Variants in ATP13A5 observed in about 807,000 individuals in gnomAD.
ATP13A5 encodes the protein ATPase 13A5.
A neutral mutation model predicts 150.2 loss-of-function variants in ATP13A5; 149 were observed. That is an observed-to-expected ratio of 0.99 (90% CI 0.87 to 1.14). The LOEUF is 1.14. Among genes scored for constraint, ATP13A5 ranks in the 50% most tolerant of loss-of-function variants. ATP13A5 has a pLI of 0.00. For synonymous variants in ATP13A5, 497 were observed against 522.2 expected, an observed-to-expected ratio of 0.95 and a Z score of 0.66; for missense variants, 1,383 against 1,449.3, an observed-to-expected ratio of 0.95 and a Z score of 0.74.
intron 12 of ATP13A5, 101 bp from the exon 13 acceptor site, chr3:193,327,158 A>G (rs1272452470): frequency 9.5e-7 from 1 of 1,057,704 alleles, no homozygotes; most frequent in Non-Finnish European, 1.4e-6. Flanking sequence ...TAGTAGATCC[A>G]GTAGTCTAAA....
In ATP13A5 at chr3:193,321,800, G is replaced by A. The variant is rs139155353; in HGVS notation, c.1796C>T (p.Pro599Leu). The A allele has an allele frequency of 1.4e-4, 223 of 1,614,020 alleles. No homozygotes were observed. The highest frequency in any genetic ancestry group is 1.8e-4 in the Non-Finnish European group (215 of 1,180,014). Residue 599 changes from proline (P) to leucine (L), a missense_variant, in exon 16 of 30, where the codon CCA becomes CTA. By Grantham distance (98) the Pro-to-Leu change is moderately conservative. Around this residue, in one of 3 missense-constraint regions of ATP13A5, gnomAD observed 787 missense variants for 771.9 expected, o/e 1.02. Transcript: ENST00000342358. ...CATCCTCTGCAGGCTCGAGGAAAATGGAAACTGGCACAAGGTGATGATGGC... is the reference window on the plus strand; with the variant it reads ...CATCCTCTGCAGGCTCGAGGAAAATAGAAACTGGCACAAGGTGATGATGGC... ...VEAIITLCQF[P>L]FSSSLQRMSV...
intron 11 of ATP13A5, among the ~76,000 whole-genome samples, chr3:193,331,972 T>C (rs1156410999): frequency 1.3e-5 from 2 of 152,188 alleles, no homozygotes; most frequent in African/African-American, 4.8e-5. Context: ...TACAAACCCA[T>C]GACCAATATG....
chr3:193,331,439 A>G, intron 11 of ATP13A5, 128 bp from the exon 12 acceptor site: 1 of 785,210 alleles, frequency 1.3e-6, no homozygotes, highest in Non-Finnish European at 1.9e-6. Flanking sequence ...CCCTACTCCC[A>G]GTCCACCAAC....
At chr3:193,331,868 A>T (rs1005374194) in intron 11 of ATP13A5, among the ~76,000 whole-genome samples, 4 of 152,216 alleles carry the variant, frequency 2.6e-5, no homozygotes, top group African/African-American at 9.6e-5. Context: ...TTAACAGGTA[A>T]GGAAACTGAG....
chr3:193,289,226 C>T (rs1245303913), intron 26 of ATP13A5, among the ~76,000 whole-genome samples: 1 of 152,070 alleles, frequency 6.6e-6, no homozygotes, highest in African/African-American at 2.4e-5. Context: ...AAGCTTGAGC[C>T]ATCGGCGCTA....
At chr3:193,285,716 T>A (rs1039517995) in intron 26 of ATP13A5, among the ~76,000 whole-genome samples, 1 of 152,144 alleles carries the variant, frequency 6.6e-6, no homozygotes, top group African/African-American at 2.4e-5. Context: ...TATTCCCTGT[T>A]CCCCACGTAT....
rs1456163409 is a variant in ATP13A5, at chr3:193,331,136, AC to A, written c.1447del (p.Val483CysfsTer54). 36 of 1,613,792 alleles carry A rather than the reference AC, an allele frequency of 2.2e-5. No homozygotes were observed. The highest frequency in any genetic ancestry group is 3.0e-5 in the Non-Finnish European group (35 of 1,179,840). On this transcript the variant is annotated frameshift_variant, in exon 12 of 30. Transcript: ENST00000342358. LOFTEE classifies it high-confidence loss of function. ...TCTGGATCATACTTTGTCAAAGCACACGAGGTTTATTTGCCCACACATGTTG... is the reference window on the plus strand; with the variant it reads ...TCTGGATCATACTTTGTCAAAGCACAGAGGTTTATTTGCCCACACATGTTG... ...RINMCGQINLVCFDKTGTLTE... is the reference protein window; with the variant it reads ...RINMCGQINLXCFDKTGTLTE...
intron 28 of ATP13A5, 99 bp from the exon 29 acceptor site, chr3:193,276,929 G>A: frequency 1.1e-6 from 1 of 882,520 alleles, no homozygotes; most frequent in Non-Finnish European, 1.7e-6. Context: ...ATAACTCTCT[G>A]AGCTTAGTGG....
At position 193,371,131 on chromosome 3, in the gene ATP13A5, A is replaced by T. The variant is rs77016107; in HGVS notation, c.64-6851T>A. Among the ~76,000 whole-genome samples, 177 of 152,306 alleles carry T rather than the reference A, an allele frequency of 1.2e-3. 3 individuals are homozygous for T. In the East Asian group the frequency reaches 0.025, roughly 21 times the overall value. ...GATGCCTGGCCCAAGTAGCAAGAAC[A>T]ATTTCTGAAAACAGAATTTGCCCTA... On this transcript the variant is annotated intron_variant, in intron 1 of 29. Transcript: ENST00000342358.
At chr3:193,351,810 G>T (rs1712574368) in intron 6 of ATP13A5, among the ~76,000 whole-genome samples, 1 of 152,188 alleles carries the variant, frequency 6.6e-6, no homozygotes, top group South Asian at 2.1e-4. Flanking sequence ...GCAGAAAGCA[G>T]AAGGTATTAC....
chr3:193,302,543 T>C (rs62287610), intron 23 of ATP13A5, among the ~76,000 whole-genome samples: 53,947 of 152,072 alleles, frequency 0.35, 9,941 homozygotes, highest in East Asian at 0.57. Flanking sequence ...GCCTCCAAAA[T>C]TACTGCTATT....
intron 5 of ATP13A5, among the ~76,000 whole-genome samples, chr3:193,361,745 G>T (rs1713013532): frequency 6.6e-6 from 1 of 152,186 alleles, no homozygotes; most frequent in African/African-American, 2.4e-5. Flanking sequence ...CCAATCTCAT[G>T]ATTGTGCCAC....
intron 26 of ATP13A5, among the ~76,000 whole-genome samples, chr3:193,285,598 A>C (rs1717689009): frequency 6.6e-6 from 1 of 152,022 alleles, no homozygotes. Context: ...TTAAGCTCAA[A>C]CTTCTCCAAC....
chr3:193,292,878 C>T (rs1192481690), intron 25 of ATP13A5, among the ~76,000 whole-genome samples: 2 of 152,048 alleles, frequency 1.3e-5, no homozygotes, highest in Admixed American at 6.6e-5. Context: ...TGACTTTTTC[C>T]ATGTTAGAGA....
intron 12 of ATP13A5, among the ~76,000 whole-genome samples, chr3:193,330,392 C>A (rs1711582674): frequency 6.6e-6 from 1 of 152,220 alleles, no homozygotes; most frequent in Non-Finnish European, 1.5e-5. Context: ...ATGGCAAAGG[C>A]CCTAATAAAT....
chr3:193,372,205 G>C (rs1713466805), intron 1 of ATP13A5: 1 of 158,638 alleles, frequency 6.3e-6, no homozygotes, highest in Admixed American at 7.3e-5. Flanking sequence ...ACTGAGGCAG[G>C]AAAATCGCTT....
At chr3:193,376,061 G>T (rs1713631211) in intron 1 of ATP13A5, among the ~76,000 whole-genome samples, 1 of 152,122 alleles carries the variant, frequency 6.6e-6, no homozygotes, top group Admixed American at 6.5e-5. Flanking sequence ...ACATCAGAGA[G>T]CGACAGCCCC....
chr3:193,326,152 C>T (rs940184788), intron 13 of ATP13A5, among the ~76,000 whole-genome samples: 2 of 152,222 alleles, frequency 1.3e-5, no homozygotes, highest in African/African-American at 2.4e-5. Context: ...CTGTCACTGA[C>T]AGCAGCCTCA....
chr3:193,352,221 AT>A (rs1255206928), intron 6 of ATP13A5, among the ~76,000 whole-genome samples: 1 of 152,134 alleles, frequency 6.6e-6, no homozygotes, highest in Non-Finnish European at 1.5e-5. Context: ...TGTTGGATAT[AT>A]TTTGTCCATT....
Sources: allele counts gnomAD v4.1 joint callset (sites outside exome capture counted in the v4.1 genomes callset), GRCh38; gene constraint gnomAD v4.1.1; regional missense constraint gnomAD v4.1.1; transcripts MANE v1.5; gene names NCBI Gene and HGNC (gene_info 2026-07-23, HGNC 2026-07-21).